CAPNS1: variants seen among roughly 807,000 people sequenced by gnomAD.
CAPNS1 encodes the protein calpain small subunit 1, also known as CANP small subunit.
CAPNS1 carries 32 observed loss-of-function variants against 39.2 expected under a neutral mutation model. The observed-to-expected ratio is 0.82, with a 90% confidence interval of 0.62 to 1.10. The LOEUF is 1.10. CAPNS1 is among the 50% of genes least tolerant of loss of function. CAPNS1 has a pLI of 0.00. For missense variants in CAPNS1, 353 were observed against 373.1 expected (o/e 0.95, Z 0.44); for synonymous variants, 153 against 136.2 (o/e 1.12, Z -0.86).
intron 6 of CAPNS1, among the ~76,000 whole-genome samples, chr19:36,143,831 C>T (rs1423273660): frequency 6.8e-6 from 1 of 147,272 alleles, no homozygotes; most frequent in African/African-American, 2.5e-5. Flanking sequence ...CCACTGCACT[C>T]CAGCCTGGGC....
intron 9 of CAPNS1, among the ~76,000 whole-genome samples, chr19:36,146,570 G>T (rs964506483): frequency 6.6e-6 from 1 of 152,188 alleles, no homozygotes; most frequent in Admixed American, 6.5e-5. Context: ...GGCAGCACAG[G>T]CCGAGGGTCT....
intron 9 of CAPNS1, among the ~76,000 whole-genome samples, chr19:36,147,776 A>G (rs77138041): frequency 6.7e-6 from 1 of 149,690 alleles, no homozygotes; most frequent in Non-Finnish European, 1.5e-5. Context: ...AAAAAAAAAA[A>G]TCCCTTGGCC....
intron 2 of CAPNS1, 109 bp downstream of exon 2, chr19:36,141,329 C>G: frequency 7.2e-7 from 1 of 1,395,150 alleles, no homozygotes; most frequent in Admixed American, 3.6e-5. Flanking sequence ...AACCTGGAGG[C>G]TAACCTGGGT....
rs1412251070 is a variant in CAPNS1 at position 36,146,255 on chromosome 19, G to A, written c.664G>A (p.Gly222Arg). The A allele has an allele frequency of 1.9e-6, 3 of 1,614,062 alleles. No individual in the cohort carries two copies. The highest frequency in any genetic ancestry group is 2.5e-6 in the Non-Finnish European group (3 of 1,179,940). The change falls in exon 9 of 11, where the codon GGG (glycine) becomes AGG (arginine). Residue 222 changes from glycine to arginine, a missense_variant. Transcript: ENST00000246533. Reference protein sequence around the residue: ...MIIRRYSDESGNMDFDNFISC... With the variant: ...MIIRRYSDESRNMDFDNFISC... The stretch of plus-strand genomic sequence containing the variant: ...CATCCGACGCTACTCAGATGAAAGT[G>A]GGAACATGGATTTTGACAACTTCAT...
chr19:36,142,698 A>C lies in CAPNS1; in HGVS notation c.290A>C (p.Glu97Ala). 6.2e-7 allele frequency: 1 copy of C among 1,614,016 alleles called. No homozygotes were observed. The highest frequency in any genetic ancestry group is 1.1e-5 in the South Asian group (1 of 91,066). Residue 97 changes from glutamate (E) to alanine (A), a missense_variant, in exon 4 of 11, where the codon GAG becomes GCG. Coordinates refer to ENST00000246533, the MANE Select transcript of CAPNS1 (RefSeq NM_001749.4). ...YSNIEANESE[E>A]VRQFRRLFAQ... ...AACATTGAGGCCAACGAGAGTGAGG[A>C]GGTCCGGCAGTTCCGGAGACTCTTT...
chr19:36,146,162 G>A lies in CAPNS1; in HGVS notation c.605-34G>A, dbSNP rs754629039. ...GGCATGGGAGTGGGTTGGGCCATGT[G>A]GCCCCCGCACCTGAAGGACTACATC... is the stretch of plus-strand genomic sequence containing the variant. On this transcript the variant is annotated intron_variant, in intron 8 of 10. Transcript: ENST00000246533. 4 of 1,585,252 alleles carry A rather than the reference G, an allele frequency of 2.5e-6. No individual in the cohort carries two copies. In the East Asian group the frequency reaches 8.9e-5, roughly 35 times the overall value.
intron 1 of CAPNS1, chr19:36,140,712 G>T: frequency 2.7e-6 from 1 of 376,134 alleles, no homozygotes; most frequent in South Asian, 4.8e-5. Flanking sequence ...CGCCAACTTG[G>T]GGTCCCCACC....
In CAPNS1 at chr19:36,141,058, G is replaced by GC; in HGVS notation, c.47_48insC (p.Gly18ArgfsTer74). 6.5e-7 allele frequency: 1 copy of GC among 1,530,574 alleles called. No individual in the cohort carries two copies. The highest frequency in any genetic ancestry group is 1.2e-5 in the South Asian group (1 of 84,192). The allele number at this position is 1,530,574 out of a possible 1,614,324, so 94.8% of individuals were successfully genotyped here. ...TTGAAGGGCGGCGGCGGCGGCGGCGGGGGAGGCGGGGGCCTGGGTGGGGGC... is the reference window on the plus strand; with the variant it reads ...TTGAAGGGCGGCGGCGGCGGCGGCGGCGGGAGGCGGGGGCCTGGGTGGGGGC... On this transcript the variant is annotated frameshift_variant, in exon 2 of 11. Coordinates refer to ENST00000246533, the MANE Select transcript of CAPNS1 (RefSeq NM_001749.4). LOFTEE classifies it high-confidence loss of function.
In CAPNS1 at chr19:36,141,149, CGGCGGT is replaced by C. The variant is rs758160197; in HGVS notation, c.141_146del (p.Gly55_Gly56del). On this transcript the variant is annotated inframe_deletion, in exon 2 of 11. Transcript: ENST00000246533. Reference sequence around the variant, plus strand: ...GCGGCGGCGGCGGCGGCGGCGGCGGCGGCGGTGGTGGAGGCGGCGGTGGCGGTGGAA... The same window carrying C: ...GCGGCGGCGGCGGCGGCGGCGGCGGCGGTGGAGGCGGCGGTGGCGGTGGAA... 3.6e-6 allele frequency: 5 copies of C among 1,385,966 alleles called. No individual in the cohort carries two copies. In the African/African-American group the frequency reaches 7.7e-5, roughly 21 times the overall value. 85.9% of individuals were successfully genotyped at this position (1,385,966 alleles called of 1,614,324 possible). A position where few individuals can be genotyped will look rare whatever the true frequency, so the allele number is the denominator to read the frequency against.
intron 6 of CAPNS1, 128 bp downstream of exon 6, chr19:36,143,256 C>T: frequency 1.2e-6 from 1 of 822,628 alleles, no homozygotes; most frequent in Non-Finnish European, 2.1e-6. Flanking sequence ...ACACAGTCAC[C>T]TGCAGACATG....
intron 9 of CAPNS1, among the ~76,000 whole-genome samples, chr19:36,147,234 A>C (rs1974600809): frequency 6.6e-6 from 1 of 152,228 alleles, no homozygotes. Flanking sequence ...CTTAGGATTC[A>C]AGGAGGCAAA....
intron 4 of CAPNS1, 46 bp from the exon 5 acceptor site, chr19:36,142,863 G>T (rs1462396183): frequency 2.5e-6 from 4 of 1,609,118 alleles, no homozygotes; most frequent in Middle Eastern, 1.7e-4. Flanking sequence ...GACATTCTCA[G>T]ACCCCTTTCA....
chr19:36,146,344 G>A, intron 9 of CAPNS1, 32 bp downstream of exon 9: 1 of 1,455,532 alleles, frequency 6.9e-7, no homozygotes, highest in East Asian at 2.3e-5. Context: ...TTCCTGGGTG[G>A]GGATTCCTAT....
At position 36,141,044 on chromosome 19, in the gene CAPNS1, CGGCGGCGGCGGCGGGGGA is replaced by C; in HGVS notation, c.39_56del (p.Gly15_Gly20del). On this transcript the variant is annotated inframe_deletion, in exon 2 of 11. Coordinates refer to ENST00000246533, the MANE Select transcript of CAPNS1 (RefSeq NM_001749.4). ...TGGTTAACTCGTTCTTGAAGGGCGG[CGGCGGCGGCGGCGGGGGA>C]GGCGGGGGCCTGGGTGGGGGCCTGG... 5.4e-6 allele frequency: 6 copies of C among 1,114,930 alleles called. No individual in the cohort carries two copies. Among genetic ancestry groups the C allele is most frequent in the Non-Finnish European group, 6.2e-6 (5 of 800,882 alleles). The allele number at this position is 1,114,930 out of a possible 1,614,324, so 69.1% of individuals were successfully genotyped here.
chr19:36,141,100 G>C lies in CAPNS1; in HGVS notation c.89G>C (p.Gly30Ala). 1 of 1,451,610 alleles carries C rather than the reference G, an allele frequency of 6.9e-7. No homozygotes were observed. Among genetic ancestry groups the C allele is most frequent in the Non-Finnish European group, 9.1e-7 (1 of 1,098,834 alleles). The allele number at this position is 1,451,610 out of a possible 1,614,324, so 89.9% of individuals were successfully genotyped here. Residue 30 changes from glycine (G) to alanine (A), a missense_variant, in exon 2 of 11, where the codon GGA becomes GCA. Gly to Ala is a moderately conservative substitution (Grantham distance 60). Transcript: ENST00000246533. The part of the protein sequence containing the change: ...GLGGGLGNVL[G>A]GLISGAGGGG... ...GGTGGGGGCCTGGGAAATGTGCTTG[G>C]AGGCCTGATCAGCGGGGCCGGGGGC...
intron 7 of CAPNS1, 30 bp from the exon 8 acceptor site, chr19:36,145,946 C>A: frequency 6.2e-7 from 1 of 1,613,084 alleles, no homozygotes; most frequent in South Asian, 1.1e-5. Context: ...CCACAATGCT[C>A]ACTTGGACCC....
Position 36,141,077 on chromosome 19 carries a change from TG to T in CAPNS1, c.71del (p.Gly24AlafsTer9). ...GGGGGGGGLG[G>X]GLGNVLGGLI... ...GCGGCGGGGGAGGCGGGGGCCTGGG[TG>T]GGGGCCTGGGAAATGTGCTTGGAGG... On this transcript the variant is annotated frameshift_variant, in exon 2 of 11. Transcript: ENST00000246533. LOFTEE classifies it high-confidence loss of function. 1 of 806,234 alleles carries T rather than the reference TG, an allele frequency of 1.2e-6. No homozygotes were observed. The highest frequency in any genetic ancestry group is 1.8e-6 in the Non-Finnish European group (1 of 559,766). The allele number at this position is 806,234 out of a possible 1,614,324, so 49.9% of individuals were successfully genotyped here.
Position 36,142,713 on chromosome 19 carries a change from G to C in CAPNS1, c.305G>C (p.Arg102Pro). ...GAGAGTGAGGAGGTCCGGCAGTTCCGGAGACTCTTTGCCCAGCTGGCTGGA... is the reference window on the plus strand; with the variant it reads ...GAGAGTGAGGAGGTCCGGCAGTTCCCGAGACTCTTTGCCCAGCTGGCTGGA... The part of the protein sequence containing the change: ...ANESEEVRQF[R>P]RLFAQLAGDD... The change falls in exon 4 of 11, where the codon CGG (arginine) becomes CCG (proline). Residue 102 changes from arginine (R) to proline (P), a missense_variant. Physicochemically the swap from Arg to Pro is moderately radical, Grantham distance 103. Transcript: ENST00000246533. 1 of 1,614,058 alleles carries C rather than the reference G, an allele frequency of 6.2e-7. No homozygotes were observed. Among genetic ancestry groups the C allele is most frequent in the Non-Finnish European group, 8.5e-7 (1 of 1,179,994 alleles).
chr19:36,146,075 C>T (rs372305597), intron 8 of CAPNS1, 21 bp downstream of exon 8: 1 of 1,612,128 alleles, frequency 6.2e-7, no homozygotes, highest in African/African-American at 1.3e-5. Flanking sequence ...CAGGGACATG[C>T]TGGGGCTGGG....
Sources: gnomAD v4.1 joint callset for allele counts (sites outside exome capture counted in the v4.1 genomes callset) on GRCh38, gnomAD v4.1.1 for gene constraint, MANE v1.5 for transcripts, NCBI Gene and HGNC (gene_info 2026-07-23, HGNC 2026-07-21) for gene names.